The following FRMPD4 variants were observed in gnomAD, a reference collection of about 807,000 sequenced individuals.
The protein encoded by FRMPD4 is FERM and PDZ domain-containing protein 4.
FRMPD4 carries 22 observed loss-of-function variants against 94.1 expected under a neutral mutation model. The observed-to-expected ratio is 0.23, with a 90% confidence interval of 0.17 to 0.33. The LOEUF (loss-of-function observed/expected upper bound fraction) is 0.33, where lower values mean the gene tolerates loss of function less well. Ranked by LOEUF, FRMPD4 falls within the 10% of genes least tolerant of loss-of-function variation. The pLI is 1.00. For missense variants in FRMPD4, 1,111 were observed against 1,339.9 expected (o/e 0.83, Z 2.67); for synonymous variants, 631 against 548.6 (o/e 1.15, Z -2.10).
intron 1 of FRMPD4, among the ~76,000 whole-genome samples, chrX:11,829,003 G>A (rs986891532): frequency 1.8e-5 from 2 of 112,270 alleles, no homozygotes; most frequent in African/African-American, 3.2e-5. Flanking sequence ...GCAGGAAAGA[G>A]CCAACGTCCC....
At chrX:12,300,533 A>T (rs2054843621) in intron 1 of FRMPD4, among the ~76,000 whole-genome samples, 1 of 112,454 alleles carries the variant, frequency 8.9e-6, no homozygotes. Flanking sequence ...ATGCTGGAGT[A>T]AAGGACATGT....
chrX:12,203,378 G>A lies in FRMPD4; in HGVS notation c.41+64366G>A, dbSNP rs947906396. 2.9e-4 allele frequency among the ~76,000 whole-genome samples: 32 copies of A among 111,763 alleles called. 1 individual carries two copies. The highest frequency in any genetic ancestry group is 2.7e-3 in the Admixed American group (29 of 10,546). Reference sequence around the variant, plus strand: ...ATCTTAGCAACCTAGAACACTTAATGGGGTCATTCTCAGGAAGATGCTTGG... The same window carrying A: ...ATCTTAGCAACCTAGAACACTTAATAGGGTCATTCTCAGGAAGATGCTTGG... On this transcript the variant is annotated intron_variant, in intron 1 of 16. Coordinates refer to ENST00000675598, the MANE Select transcript of FRMPD4 (RefSeq NM_001368397.1).
intron 2 of FRMPD4, among the ~76,000 whole-genome samples, chrX:11,867,656 A>G (rs2053728877): frequency 8.9e-6 from 1 of 112,079 alleles, no homozygotes; most frequent in African/African-American, 3.2e-5. Flanking sequence ...TGATATTTTC[A>G]GCCTGCACCC....
At chrX:12,028,458 C>G (rs1258870092) in intron 3 of FRMPD4, among the ~76,000 whole-genome samples, 2 of 110,823 alleles carry the variant, frequency 1.8e-5, no homozygotes, top group Non-Finnish European at 3.8e-5. Context: ...ACATTTGTTA[C>G]AATTCATGAA....
chrX:11,991,829 T>G (rs371180945), intron 3 of FRMPD4, among the ~76,000 whole-genome samples: 2 of 112,233 alleles, frequency 1.8e-5, no homozygotes, highest in East Asian at 5.5e-4. Flanking sequence ...GTACTTCTCC[T>G]CTAAACAGAG....
chrX:12,304,681 C>CTA (rs1382948884), intron 1 of FRMPD4, among the ~76,000 whole-genome samples: 5 of 111,726 alleles, frequency 4.5e-5, no homozygotes, highest in African/African-American at 1.6e-4. Flanking sequence ...CCCAGTGGAG[C>CTA]CATTTAAGGC....
chrX:12,079,462 AG>A (rs2055045756), intron 3 of FRMPD4, among the ~76,000 whole-genome samples: 2 of 111,806 alleles, frequency 1.8e-5, no homozygotes, highest in Non-Finnish European at 3.8e-5. Context: ...TCTGTACACA[AG>A]ATCCATTTCC....
chrX:11,852,442 C>CAAAA (rs374590200), intron 1 of FRMPD4, among the ~76,000 whole-genome samples: 3 of 52,626 alleles, frequency 5.7e-5, no homozygotes, highest in African/African-American at 2.0e-4. Flanking sequence ...ACCCTGTCTC[C>CAAAA]AAAAAAAAAA....
chrX:11,959,604 G>A (rs1003807704), intron 3 of FRMPD4, among the ~76,000 whole-genome samples: 20 of 112,008 alleles, frequency 1.8e-4, no homozygotes, highest in African/African-American at 6.5e-4. Flanking sequence ...GTGGGTTGTT[G>A]TGATGAAACT....
intron 1 of FRMPD4, among the ~76,000 whole-genome samples, chrX:12,244,024 G>C (rs1002878592): frequency 9.1e-6 from 1 of 109,752 alleles, no homozygotes; most frequent in African/African-American, 3.3e-5. Context: ...TTGAACTCCT[G>C]GGCTCAAATG....
intron 1 of FRMPD4, among the ~76,000 whole-genome samples, chrX:12,165,340 G>C (rs1246848709): frequency 3.6e-5 from 4 of 111,967 alleles, no homozygotes; most frequent in Non-Finnish European, 7.5e-5. Flanking sequence ...TGTCAGGTTT[G>C]TCAAAAATCA....
chrX:12,092,916 C>T (rs2055167049), intron 3 of FRMPD4, among the ~76,000 whole-genome samples: 1 of 111,478 alleles, frequency 9.0e-6, no homozygotes, highest in South Asian at 3.8e-4. Context: ...TCCAGATTGT[C>T]AATGAGGTGG....
intron 1 of FRMPD4, among the ~76,000 whole-genome samples, chrX:12,240,196 A>G (rs1390904231): frequency 8.9e-6 from 1 of 112,515 alleles, no homozygotes; most frequent in Non-Finnish European, 1.9e-5. Flanking sequence ...TGGTTGTGAC[A>G]GAGACAATGT....
intron 1 of FRMPD4, among the ~76,000 whole-genome samples, chrX:12,384,550 T>C (rs576086003): frequency 2.6e-4 from 29 of 111,116 alleles, no homozygotes; most frequent in Middle Eastern, 4.6e-3. Flanking sequence ...AATAATGGAA[T>C]GTTAGACCTG....
At chrX:12,241,907 AAAT>A (rs1471952428) in intron 1 of FRMPD4, among the ~76,000 whole-genome samples, 1 of 103,654 alleles carries the variant, frequency 9.6e-6, no homozygotes, top group East Asian at 3.2e-4. Flanking sequence ...TCTCTAAAAA[AAAT>A]AAGAAGAAGA....
At chrX:12,667,021 A>G (rs189608004) in intron 4 of FRMPD4, among the ~76,000 whole-genome samples, 1 of 112,630 alleles carries the variant, frequency 8.9e-6, no homozygotes, top group African/African-American at 3.2e-5. Flanking sequence ...GTGAGAGTTC[A>G]ACACTATGAA....
intron 3 of FRMPD4, among the ~76,000 whole-genome samples, chrX:12,131,000 G>T: frequency 8.9e-6 from 1 of 112,029 alleles, no homozygotes; most frequent in East Asian, 2.8e-4. Context: ...TCTTTTAAAT[G>T]ACCTCCTCCC....
intron 1 of FRMPD4, among the ~76,000 whole-genome samples, chrX:11,823,447 G>A (rs1040268708): frequency 9.0e-6 from 1 of 110,543 alleles, no homozygotes; most frequent in African/African-American, 3.3e-5. Flanking sequence ...CACAGACATT[G>A]GATCATATTC....
At chrX:12,355,468 CTG>C (rs890298962) in intron 1 of FRMPD4, among the ~76,000 whole-genome samples, 1 of 112,577 alleles carries the variant, frequency 8.9e-6, no homozygotes, top group African/African-American at 3.2e-5. Context: ...GTATGAACCA[CTG>C]TGCCTGGCCA....
Sources: allele counts gnomAD v4.1 joint callset (sites outside exome capture counted in the v4.1 genomes callset), GRCh38; gene constraint gnomAD v4.1.1; transcripts MANE v1.5; gene names NCBI Gene and HGNC (gene_info 2026-07-23, HGNC 2026-07-21).